The following RETREG2 variants were observed in gnomAD, a reference collection of about 807,000 sequenced individuals.
RETREG2 encodes the protein reticulophagy regulator family member 2.
A neutral mutation model predicts 51.6 loss-of-function variants in RETREG2; 21 were observed. The observed-to-expected ratio is 0.41, with a 90% CI of 0.29 to 0.59. RETREG2 has a LOEUF of 0.59. Ranked by LOEUF, RETREG2 falls within the 20% of genes least tolerant of loss-of-function variation. The pLI is 0.34. For synonymous variants in RETREG2, 339 were observed against 288.6 expected (o/e 1.17, Z -1.77); for missense variants, 674 against 646.0 (o/e 1.04, Z -0.47).
Position 219,182,249 on chromosome 2 carries a change from C to G in RETREG2, c.1252C>G (p.Pro418Ala), listed in dbSNP as rs768409019. ...CACGCACTTCAATGGGGCAGGGTCC[C>G]CCCCAGATGGAGTGAAATGCTCCCC... The part of the protein sequence containing the change: ...VNTHFNGAGS[P>A]PDGVKCSPGG... Residue 418 changes from proline (P) to alanine (A), a missense_variant, in exon 9 of 9, where the codon CCC becomes GCC. Pro to Ala is a conservative substitution (Grantham distance 27). Coordinates refer to ENST00000430297, the MANE Select transcript of RETREG2 (RefSeq NM_024293.6). 2 of 1,614,030 alleles carry G rather than the reference C, an allele frequency of 1.2e-6. No individual in the cohort carries two copies. The highest frequency in any genetic ancestry group is 2.2e-5 in the South Asian group (2 of 91,084).
In RETREG2 at chr2:219,182,341, C is replaced by G. The variant is rs779587288; in HGVS notation, c.1344C>G (p.Thr448=). 10 of 1,613,864 alleles carry G rather than the reference C, an allele frequency of 6.2e-6. No individual in the cohort carries two copies. Among genetic ancestry groups the G allele is most frequent in the Admixed American group, 3.3e-5 (2 of 59,986 alleles). Residue 448 remains threonine (T), a synonymous_variant, in exon 9 of 9, where the codon ACC becomes ACG. Coordinates refer to ENST00000430297, the MANE Select transcript of RETREG2 (RefSeq NM_024293.6). Reference sequence around the variant, plus strand: ...GTGGCCTCACTGCTCTGCCCGGCACCCTGTCACCTCCACTTTGCCTTGTTG... The same window carrying G: ...GTGGCCTCACTGCTCTGCCCGGCACGCTGTCACCTCCACTTTGCCTTGTTG... ...VSGGLTALPG[T]LSPPLCLVGS...
At position 219,178,483 on chromosome 2, in the gene RETREG2, C is replaced by T. The variant is rs1195229378; in HGVS notation, c.131C>T (p.Ala44Val). The T allele has an allele frequency of 3.3e-6, 4 of 1,202,974 alleles. No homozygotes were observed. The highest frequency in any genetic ancestry group is 2.2e-6 in the Non-Finnish European group (2 of 895,006). The allele number at this position is 1,202,974 out of a possible 1,614,324, so 74.5% of individuals were successfully genotyped here. ...ACCAGTGAGGCAGAGGAGGAGGCGGCCACGGCCGAGGCGGTGGGACGCCTG... is the reference window on the plus strand; with the variant it reads ...ACCAGTGAGGCAGAGGAGGAGGCGGTCACGGCCGAGGCGGTGGGACGCCTG... ...EATSEAEEEA[A>V]TAEAVGRLAT... The change falls in exon 1 of 9, where the codon GCC becomes GTC. Residue 44 changes from alanine to valine, a missense_variant. By Grantham distance (64) the Ala-to-Val change is moderately conservative (BLOSUM62 0). Coordinates refer to ENST00000430297, the MANE Select transcript of RETREG2 (RefSeq NM_024293.6).
Position 219,182,732 on chromosome 2 carries a change from G to A in RETREG2, c.*103G>A. 1 of 1,408,430 alleles carries A rather than the reference G, an allele frequency of 7.1e-7. No individual in the cohort carries two copies. The highest frequency in any genetic ancestry group is 9.6e-7 in the Non-Finnish European group (1 of 1,038,914). 87.2% of individuals were successfully genotyped at this position (1,408,430 alleles called of 1,614,324 possible). A position where few individuals can be genotyped will look rare whatever the true frequency, so the allele number is the denominator to read the frequency against. ...CACTCTGGGGTGGGGCAGTGTGTGG[G>A]GAAGCTGGCTGTCGGATGGTAGCTA... is the stretch of plus-strand genomic sequence containing the variant. On this transcript the variant is annotated 3_prime_UTR_variant, in exon 9 of 9. Transcript: ENST00000430297.
chr2:219,179,172 C>T (rs921052300), intron 2 of RETREG2, 144 bp downstream of exon 2: 4 of 720,072 alleles, frequency 5.6e-6, no homozygotes, highest in Admixed American at 2.1e-5. Flanking sequence ...ACGGAATTCC[C>T]TAAAATGAGA....
At position 219,179,715 on chromosome 2, in the gene RETREG2, C is replaced by T. The variant is rs750603287; in HGVS notation, c.389-18C>T. ...GGCCCCTACCACTCAATAATTTGCC[C>T]CCCTCCTCTCTCTCTAGCATCATCC... On this transcript the variant is annotated intron_variant, in intron 2 of 8. Coordinates refer to ENST00000430297, the MANE Select transcript of RETREG2 (RefSeq NM_024293.6). The T allele has an allele frequency of 2.5e-6, 4 of 1,613,606 alleles. No individual in the cohort carries two copies. The highest frequency in any genetic ancestry group is 2.2e-5 in the East Asian group (1 of 44,876).
Position 219,182,840 on chromosome 2 carries a change from T to C in RETREG2, c.*211T>C. ...CTAGGATTGGTTTTAAATTTGTAAA[T>C]AATTTTCCATTTGGGTTAGTGGATG... On this transcript the variant is annotated 3_prime_UTR_variant, in exon 9 of 9. Coordinates refer to ENST00000430297, the MANE Select transcript of RETREG2 (RefSeq NM_024293.6). 1.6e-6 allele frequency: 1 copy of C among 611,654 alleles called. No individual in the cohort carries two copies. Among genetic ancestry groups the C allele is most frequent in the Non-Finnish European group, 2.8e-6 (1 of 351,802 alleles). The allele number at this position is 611,654 out of a possible 1,614,324, so 37.9% of individuals were successfully genotyped here.
At chr2:219,179,827 TCAC>T (rs1950250710) in intron 3 of RETREG2, 64 bp downstream of exon 3, 2 of 1,529,172 alleles carry the variant, frequency 1.3e-6, no homozygotes, top group South Asian at 2.2e-5. Flanking sequence ...GGTGCCAGTG[TCAC>T]CATGGAGCAG....
chr2:219,179,867 C>A, intron 3 of RETREG2, 104 bp downstream of exon 3: 2 of 1,338,054 alleles, frequency 1.5e-6, no homozygotes, highest in Non-Finnish European at 2.2e-6. Flanking sequence ...TGTGAATGAA[C>A]TGGTAACAAG....
At chr2:219,179,092 T>C (rs567052785) in intron 2 of RETREG2, 64 bp downstream of exon 2, 1 of 1,232,554 alleles carries the variant, frequency 8.1e-7, no homozygotes, top group Non-Finnish European at 1.2e-6. Context: ...TTCCGCTGGG[T>C]GGGGTTAAGT....
chr2:219,178,758 T>G, intron 1 of RETREG2, 125 bp downstream of exon 1: 4 of 1,238,854 alleles, frequency 3.2e-6, no homozygotes, highest in Non-Finnish European at 4.4e-6. Flanking sequence ...TTTTGCAGGC[T>G]GACATCCGCT....
At chr2:219,181,960 T>C in intron 8 of RETREG2, 53 bp from the exon 9 acceptor site, 1 of 1,593,478 alleles carries the variant, frequency 6.3e-7, no homozygotes. Flanking sequence ...TTGTCTGTTG[T>C]GGCTAATCAG....
rs1265612692 is a variant in RETREG2 at position 219,181,176 on chromosome 2, A to C, written c.755A>C (p.Asn252Thr). The C allele has an allele frequency of 1.2e-6, 2 of 1,614,038 alleles. No homozygotes were observed. The highest frequency in any genetic ancestry group is 2.2e-5 in the South Asian group (2 of 91,092). ...GACTACAGCATGAAGGCAGAAGCCA[A>C]TGCCCTGCATCACAAACACGACAAG... ...QLDYSMKAEA[N>T]ALHHKHDKRK... Residue 252 changes from asparagine (N) to threonine (T), a missense_variant, in exon 6 of 9, where the codon AAT becomes ACT. Asn to Thr is a moderately conservative substitution (Grantham distance 65, BLOSUM62 0). Coordinates refer to ENST00000430297, the MANE Select transcript of RETREG2 (RefSeq NM_024293.6).
Position 219,181,999 on chromosome 2 carries a change from T to G in RETREG2, c.1016-14T>G. 1 of 1,609,808 alleles carries G rather than the reference T, an allele frequency of 6.2e-7. No individual in the cohort carries two copies. Among genetic ancestry groups the G allele is most frequent in the Non-Finnish European group, 8.5e-7 (1 of 1,176,826 alleles). On this transcript the variant is annotated splice_polypyrimidine_tract_variant and intron_variant, in intron 8 of 8. Coordinates refer to ENST00000430297, the MANE Select transcript of RETREG2 (RefSeq NM_024293.6). ...AGCAGCAGGCCCATTCTTAATTCTTTGTTCTCTGCACAGATTTGGACCAGC... is the reference window on the plus strand; with the variant it reads ...AGCAGCAGGCCCATTCTTAATTCTTGGTTCTCTGCACAGATTTGGACCAGC...
Position 219,181,695 on chromosome 2 carries a change from A to T in RETREG2, c.935A>T (p.Asp312Val). 6.2e-7 allele frequency: 1 copy of T among 1,614,108 alleles called. No individual in the cohort carries two copies. The highest frequency in any genetic ancestry group is 8.5e-7 in the Non-Finnish European group (1 of 1,179,986). Residue 312 changes from aspartate to valine, a missense_variant, in exon 8 of 9, where the codon GAT becomes GTT. Coordinates refer to ENST00000430297, the MANE Select transcript of RETREG2 (RefSeq NM_024293.6). The stretch of plus-strand genomic sequence containing the variant: ...GCCATTACAGACTCAGAGCTGTCAG[A>T]TGAGGAGGCTTCTATCTTGGAGAGT... Reference protein sequence around the residue: ...ALAITDSELSDEEASILESGG... With the variant: ...ALAITDSELSVEEASILESGG...
chr2:219,181,384 A>G lies in RETREG2; in HGVS notation c.800A>G (p.Asn267Ser), dbSNP rs763232741. The part of the protein sequence containing the change: ...KHDKRKRQGK[N>S]APPGGDEPLA... Reference sequence around the variant, plus strand: ...GCTTTTCTAGAGCGTCAGGGGAAGAATGCACCCCCAGGAGGTGATGAGCCA... The same window carrying G: ...GCTTTTCTAGAGCGTCAGGGGAAGAGTGCACCCCCAGGAGGTGATGAGCCA... The change falls in exon 7 of 9, where the codon AAT (asparagine) becomes AGT (serine). Residue 267 changes from asparagine to serine, a missense_variant. Physicochemically the swap from Asn to Ser is conservative, Grantham distance 46 (BLOSUM62 1). Transcript: ENST00000430297. The G allele has an allele frequency of 1.2e-6, 2 of 1,614,064 alleles. No homozygotes were observed. The highest frequency in any genetic ancestry group is 4.5e-5 in the East Asian group (2 of 44,880).
rs1950252565 is a variant in RETREG2, at chr2:219,179,898, T to C, written c.419+135T>C. On this transcript the variant is annotated intron_variant, in intron 3 of 8. Transcript: ENST00000430297. ...ACAAGCCATGGGTTTTTCATGGTCC[T>C]AGGCTCCTGTGTAGGTGTTTGCGTG... 3 of 1,199,706 alleles carry C rather than the reference T, an allele frequency of 2.5e-6. No homozygotes were observed. In the African/African-American group the frequency reaches 4.5e-5, roughly 18 times the overall value. The allele number at this position is 1,199,706 out of a possible 1,614,324, so 74.3% of individuals were successfully genotyped here. A position where few individuals can be genotyped will look rare whatever the true frequency, so the allele number is the denominator to read the frequency against.
chr2:219,180,296 G>C (rs1950259895), intron 4 of RETREG2, 51 bp downstream of exon 4: 15 of 1,609,344 alleles, frequency 9.3e-6, no homozygotes, highest in Non-Finnish European at 1.3e-5. Context: ...GGGGAATAGA[G>C]GTGGCGGGGG....
chr2:219,179,603 T>G, intron 2 of RETREG2, 130 bp from the exon 3 acceptor site: 1 of 817,420 alleles, frequency 1.2e-6, no homozygotes, highest in South Asian at 1.5e-5. Context: ...CAAAAACATG[T>G]AACAGCTCCC....
intron 5 of RETREG2, 144 bp from the exon 6 acceptor site, chr2:219,180,918 G>T: frequency 7.5e-6 from 10 of 1,331,102 alleles, no homozygotes; most frequent in Non-Finnish European, 1.1e-5. Flanking sequence ...TGGGGAGGAG[G>T]GCAGTGGATG....
Sources: gnomAD v4.1 joint callset for allele counts on GRCh38, gnomAD v4.1.1 for gene constraint, MANE v1.5 for transcripts, NCBI Gene and HGNC (gene_info 2026-07-23, HGNC 2026-07-21) for gene names.